Variants in TRAPPC12 observed in about 807,000 individuals in gnomAD.
TRAPPC12 encodes the protein trafficking protein particle complex subunit 12.
In TRAPPC12, 61 loss-of-function variants were observed where a neutral mutation model predicts 69.2. That is an observed-to-expected ratio of 0.88 (90% confidence interval 0.72 to 1.09). The LOEUF is 1.09. Ranked by LOEUF, TRAPPC12 falls within the 50% of genes least tolerant of loss-of-function variation. TRAPPC12 has a pLI of 0.00. For missense variants in TRAPPC12, 1,101 were observed against 1,016.4 expected (o/e 1.08, Z -1.13); for synonymous variants, 469 against 438.9 (o/e 1.07, Z -0.86).
chr2:3,453,653 G>A (rs1002967895), intron 6 of TRAPPC12, among the ~76,000 whole-genome samples: 2 of 152,130 alleles, frequency 1.3e-5, no homozygotes, highest in African/African-American at 2.4e-5. Flanking sequence ...ACACAAACAC[G>A]GGACTGCTGA....
chr2:3,478,714 G>A (rs1666407892), intron 10 of TRAPPC12, 132 bp from the exon 11 acceptor site: 1 of 683,974 alleles, frequency 1.5e-6, no homozygotes, highest in Non-Finnish European at 2.5e-6. Context: ...CCTCTACCTG[G>A]AGATCAGGAA....
intron 3 of TRAPPC12, among the ~76,000 whole-genome samples, chr2:3,403,156 T>C (rs985206137): frequency 2.6e-5 from 4 of 152,202 alleles, no homozygotes; most frequent in Non-Finnish European, 4.4e-5. Context: ...AATTTACTTA[T>C]TTTTCTAATA....
chr2:3,420,374 TG>T (rs1662710503), intron 3 of TRAPPC12, among the ~76,000 whole-genome samples: 1 of 103,538 alleles, frequency 9.7e-6, no homozygotes, highest in Non-Finnish European at 2.5e-5. Context: ...ACGCACACGC[TG>T]ACTCTGGATT....
At chr2:3,440,720 A>T (rs1334803857) in intron 5 of TRAPPC12, among the ~76,000 whole-genome samples, 3 of 152,184 alleles carry the variant, frequency 2.0e-5, no homozygotes, top group Non-Finnish European at 4.4e-5. Flanking sequence ...ATAAGAGGGA[A>T]CATTGTTGCT....
At chr2:3,434,137 T>G (rs756936410) in intron 5 of TRAPPC12, among the ~76,000 whole-genome samples, 1 of 152,206 alleles carries the variant, frequency 6.6e-6, no homozygotes, top group Non-Finnish European at 1.5e-5. Flanking sequence ...TCTGTATGCA[T>G]CTTGTTGAAG....
chr2:3,383,483 C>G (rs1298630810), intron 1 of TRAPPC12, among the ~76,000 whole-genome samples: 2 of 148,864 alleles, frequency 1.3e-5, no homozygotes, highest in African/African-American at 4.9e-5. Context: ...ACTACAACCT[C>G]TGCCTCCTGG....
At chr2:3,449,389 T>G (rs1363112818) in intron 6 of TRAPPC12, 1 of 152,562 alleles carries the variant, frequency 6.6e-6, no homozygotes. Flanking sequence ...TTCCGCAGCC[T>G]CCGGCTTCCC....
At chr2:3,387,395 A>G (rs887625524) in intron 1 of TRAPPC12, among the ~76,000 whole-genome samples, 1 of 152,334 alleles carries the variant, frequency 6.6e-6, no homozygotes, top group African/African-American at 2.4e-5. Context: ...GTTTTGCAAG[A>G]TAAAAAGTGT....
chr2:3,467,378 G>C, intron 9 of TRAPPC12: 1 of 152,250 alleles, frequency 6.6e-6, no homozygotes, highest in Non-Finnish European at 1.5e-5. Flanking sequence ...TCGCTCATGG[G>C]TATTTTTACT....
In TRAPPC12 at chr2:3,433,944, G is replaced by C. The variant is rs148056394; in HGVS notation, c.1417+9281G>C. Among the ~76,000 whole-genome samples the C allele has an allele frequency of 5.4e-4, 82 of 152,210 alleles. 1 individual carries two copies. Among genetic ancestry groups the C allele is most frequent in the African/African-American group, 1.8e-3 (76 of 41,522 alleles). On this transcript the variant is annotated intron_variant, in intron 5 of 11. Transcript: ENST00000324266. ...AGGAGAGAGACGGGCCTCAGGGCTG[G>C]TGTGGAAGCCTTGCATATTTTATCT...
chr2:3,409,750 TAAAAA>T (rs71396989), intron 3 of TRAPPC12, among the ~76,000 whole-genome samples: 11 of 54,912 alleles, frequency 2.0e-4, no homozygotes, highest in South Asian at 8.3e-4. Flanking sequence ...ACTTTGTCTT[TAAAAA>T]AAAAAAAAAA....
intron 6 of TRAPPC12, chr2:3,456,915 A>G (rs1665183872): frequency 3.0e-6 from 1 of 333,854 alleles, no homozygotes; most frequent in African/African-American, 2.3e-5. Flanking sequence ...GCTTTTCTTA[A>G]AAAACATATT....
intron 2 of TRAPPC12, among the ~76,000 whole-genome samples, chr2:3,394,029 T>C (rs927600862): frequency 2.6e-5 from 4 of 152,248 alleles, no homozygotes; most frequent in African/African-American, 7.2e-5. Context: ...GATACATGTT[T>C]ATTTCCAGGT....
rs191090790 is a variant in TRAPPC12 at position 3,406,369 on chromosome 2, C to T, written c.1164+4476C>T. On this transcript the variant is annotated intron_variant, in intron 3 of 11. Coordinates refer to ENST00000324266, the MANE Select transcript of TRAPPC12 (RefSeq NM_016030.6). ...CTCCCCAAATTGCCTTTCTTCCCCA[C>T]GTTCTTTACCGTATTTACAGAAGCG... Among the ~76,000 whole-genome samples the T allele has an allele frequency of 8.0e-4, 122 of 152,314 alleles. 1 individual carries two copies. Among genetic ancestry groups the T allele is most frequent in the Non-Finnish European group, 8.8e-5 (6 of 68,012 alleles).
intron 2 of TRAPPC12, among the ~76,000 whole-genome samples, chr2:3,392,638 A>C (rs1012089977): frequency 6.6e-6 from 1 of 152,250 alleles, no homozygotes; most frequent in African/African-American, 2.4e-5. Context: ...ATGCAAATCA[A>C]AATCACAATG....
chr2:3,384,864 A>C (rs1170929979), intron 1 of TRAPPC12, among the ~76,000 whole-genome samples: 1 of 152,206 alleles, frequency 6.6e-6, no homozygotes, highest in African/African-American at 2.4e-5. Flanking sequence ...ATTCACTGGT[A>C]AACCCTCTGG....
At chr2:3,427,208 T>G (rs1663155251) in intron 5 of TRAPPC12, among the ~76,000 whole-genome samples, 1 of 152,174 alleles carries the variant, frequency 6.6e-6, no homozygotes, top group Non-Finnish European at 1.5e-5. Context: ...AAACCATCTC[T>G]TCCCTCTGCC....
At chr2:3,476,930 C>T (rs867232391) in intron 9 of TRAPPC12, among the ~76,000 whole-genome samples, 2 of 152,262 alleles carry the variant, frequency 1.3e-5, no homozygotes, top group Admixed American at 6.5e-5. Flanking sequence ...TCTTTACCCT[C>T]GTGAGCGCGG....
chr2:3,471,839 A>G (rs1666076172), intron 9 of TRAPPC12, among the ~76,000 whole-genome samples: 1 of 144,574 alleles, frequency 6.9e-6, no homozygotes. Context: ...TGGGTCTGAG[A>G]GGATCCTCAC....
Sources: allele counts gnomAD v4.1 joint callset (sites outside exome capture counted in the v4.1 genomes callset), GRCh38; gene constraint gnomAD v4.1.1; transcripts MANE v1.5; gene names NCBI Gene and HGNC (gene_info 2026-07-23, HGNC 2026-07-21).